CALD1: variants seen among roughly 807,000 people sequenced by gnomAD.
CALD1 encodes caldesmon.
A neutral mutation model predicts 99.9 loss-of-function variants in CALD1; 33 were observed. The observed-to-expected ratio is 0.33, with a 90% CI of 0.25 to 0.44. The LOEUF (loss-of-function observed/expected upper bound fraction) is 0.44. CALD1 is among the 20% of genes least tolerant of loss of function. The probability of loss-of-function intolerance (pLI) is 1.00; values close to 1 mark genes in which losing one functional copy is unlikely to be tolerated. For synonymous variants in CALD1, 310 were observed against 325.0 expected, an observed-to-expected ratio of 0.95 and a Z score of 0.50; for missense variants, 861 against 962.1, an observed-to-expected ratio of 0.89 and a Z score of 1.39.
chr7:134,891,457 C>A, intron 3 of CALD1: 1 of 1,338,318 alleles, frequency 7.5e-7, no homozygotes, highest in East Asian at 2.7e-5. Flanking sequence ...GTCACAGGGA[C>A]AGACCAACGT....
chr7:134,786,998 CTGG>C (rs1202527219), intron 1 of CALD1, among the ~76,000 whole-genome samples: 1 of 152,160 alleles, frequency 6.6e-6, no homozygotes, highest in Non-Finnish European at 1.5e-5. Context: ...TAAAAGTTCC[CTGG>C]TGACTCTGAT....
rs1797204661 is a variant in CALD1, at chr7:134,783,840, AAG to A, written c.-130+4094_-130+4095del. Among the ~76,000 whole-genome samples the A allele has an allele frequency of 6.6e-6, 1 of 152,132 alleles. No individual in the cohort carries two copies. The highest frequency in any genetic ancestry group is 1.5e-5 in the Non-Finnish European group (1 of 68,028). ...GGTGTCCATGATCTGGAAGGAAGAA[AAG>A]AGGGGGTAAATACACAGATATATAG... On this transcript the variant is annotated intron_variant, in intron 1 of 14. Transcript: ENST00000361675. This position sits in a 1 kb window ranked among gnomAD's most constrained non-coding sequence, Gnocchi z 4.3.
chr7:134,940,748 T>C (rs1257220481), intron 6 of CALD1, among the ~76,000 whole-genome samples: 3 of 152,238 alleles, frequency 2.0e-5, no homozygotes, highest in Non-Finnish European at 4.4e-5. Context: ...TCCTAATAAT[T>C]GCTCTTCCCA....
rs950730000 is a variant in CALD1 at position 134,960,040 on chromosome 7, C to T, written c.2128C>T (p.Arg710Cys). The T allele has an allele frequency of 4.3e-6, 7 of 1,613,932 alleles. No individual in the cohort carries two copies. Among genetic ancestry groups the T allele is most frequent in the African/African-American group, 2.7e-5 (2 of 74,894 alleles). ...SDLPVPAEGV[R>C]NIKSMWEKGN... is the part of the protein sequence containing the mutation. ...TCTTCCTGTTCCTGCTGAAGGTGTA[C>T]GCAACATCAAGAGTATGTGGGAGAA... The change falls in exon 12 of 15, where the codon CGC becomes TGC. Residue 710 changes from arginine to cysteine, a missense_variant. By Grantham distance (180) the Arg-to-Cys change is radical. Around this residue, in one of 5 missense-constraint regions of CALD1, gnomAD observed 190 missense variants for 249.0 expected, o/e 0.76. Coordinates refer to ENST00000361675, the MANE Select transcript of CALD1 (RefSeq NM_033138.4).
intron 1 of CALD1, among the ~76,000 whole-genome samples, chr7:134,767,008 C>T (rs897958777): frequency 1.3e-5 from 2 of 152,190 alleles, no homozygotes; most frequent in African/African-American, 4.8e-5. Context: ...AAGGTATTTT[C>T]ACCCCAACCC....
chr7:134,757,370 C>T (rs1287787644), intron 1 of CALD1, among the ~76,000 whole-genome samples: 3 of 152,168 alleles, frequency 2.0e-5, no homozygotes, highest in Non-Finnish European at 2.9e-5. Context: ...CCAAAAAGAT[C>T]CTCCTGGCTC....
rs147573106 is a variant in CALD1 at position 134,872,811 on chromosome 7, C to T, written c.71+5007C>T. Among the ~76,000 whole-genome samples the T allele has an allele frequency of 2.0e-3, 300 of 152,262 alleles. 2 individuals carry two copies. Among genetic ancestry groups the T allele is most frequent in the African/African-American group, 6.8e-3 (284 of 41,544 alleles). On this transcript the variant is annotated intron_variant, in intron 3 of 14. Transcript: ENST00000361675. ...TTAAACTGTATTTTAAAAGCAATTACTCATTTGAACAAACAGATAAAAATT... is the reference window on the plus strand; with the variant it reads ...TTAAACTGTATTTTAAAAGCAATTATTCATTTGAACAAACAGATAAAAATT...
chr7:134,951,436 A>T (rs150297938), intron 9 of CALD1, among the ~76,000 whole-genome samples: 1 of 152,360 alleles, frequency 6.6e-6, no homozygotes, highest in Non-Finnish European at 1.5e-5. Context: ...GAGAATAGAG[A>T]CATCTAAAAT....
chr7:134,963,683 TAAAG>T (rs1808449893), intron 13 of CALD1, among the ~76,000 whole-genome samples: 2 of 152,200 alleles, frequency 1.3e-5, no homozygotes, highest in African/African-American at 4.8e-5. Context: ...AGGTAGTAAA[TAAAG>T]ACTCTAAGCT....
chr7:134,733,821 A>G, the CALD1 span, among the ~76,000 whole-genome samples: 2 of 79,072 alleles, frequency 2.5e-5, no homozygotes, highest in African/African-American at 1.1e-4. Flanking sequence ...AAAAAAAAAC[A>G]AAAAACAAAA....
chr7:134,725,633 A>G, the CALD1 span, among the ~76,000 whole-genome samples: 5 of 152,236 alleles, frequency 3.3e-5, no homozygotes, highest in African/African-American at 1.2e-4. Flanking sequence ...TCCAAGGGCA[A>G]TGGGCTGAAT....
chr7:134,719,599 A>AG, the CALD1 span, among the ~76,000 whole-genome samples: 1 of 152,264 alleles, frequency 6.6e-6, no homozygotes, highest in East Asian at 1.9e-4. Context: ...GTAGTTTGCG[A>AG]GGGGGGATAG....
intron 1 of CALD1, among the ~76,000 whole-genome samples, chr7:134,747,864 C>T (rs1043185579): frequency 9.2e-5 from 14 of 152,220 alleles, no homozygotes; most frequent in East Asian, 5.8e-4. Context: ...TGGAACCATG[C>T]GAGTGGGGAC....
chr7:134,802,777 C>T (rs1477854623), intron 1 of CALD1, among the ~76,000 whole-genome samples: 1 of 152,182 alleles, frequency 6.6e-6, no homozygotes, highest in African/African-American at 2.4e-5. Flanking sequence ...ATTTGAAGTA[C>T]ACTGAAATTG....
chr7:134,746,021 A>G (rs1796632143), intron 1 of CALD1, among the ~76,000 whole-genome samples: 1 of 152,192 alleles, frequency 6.6e-6, no homozygotes, highest in African/African-American at 2.4e-5. Flanking sequence ...AAGAGAACCT[A>G]TGGGAAAGGT....
chr7:134,881,422 T>G (rs1386749354), intron 3 of CALD1, among the ~76,000 whole-genome samples: 3 of 152,180 alleles, frequency 2.0e-5, no homozygotes, highest in Admixed American at 6.5e-5. Flanking sequence ...GAAAAGACAC[T>G]GGATAAAAGT....
chr7:134,941,268 GT>G, intron 7 of CALD1, 31 bp downstream of exon 7: 1 of 1,517,722 alleles, frequency 6.6e-7, no homozygotes, highest in Non-Finnish European at 8.9e-7. Context: ...AATAGAAACT[GT>G]GTTCACATGC....
intron 6 of CALD1, among the ~76,000 whole-genome samples, chr7:134,937,912 T>A (rs1032661563): frequency 6.6e-6 from 1 of 152,234 alleles, no homozygotes; most frequent in Non-Finnish European, 1.5e-5. Context: ...AAAAAGTCTC[T>A]TTTTGGTTCT....
At chr7:134,792,286 C>CTTTTTTTTTTTTT (rs1228341394) in intron 1 of CALD1, among the ~76,000 whole-genome samples, 1 of 122,784 alleles carries the variant, frequency 8.1e-6, no homozygotes, top group Non-Finnish European at 1.7e-5. Flanking sequence ...ATTTCCTCTT[C>CTTTTTTTTTTTTT]TTTTTTTTTT....
Sources: gnomAD v4.1 joint callset for allele counts (sites outside exome capture counted in the v4.1 genomes callset) on GRCh38, gnomAD v4.1.1 for gene constraint, gnomAD v4.1.1 regional missense constraint, Gnocchi (gnomAD v3.1) non-coding constraint, MANE v1.5 for transcripts, NCBI Gene and HGNC (gene_info 2026-07-23, HGNC 2026-07-21) for gene names.